The following TCF4 variants were observed in gnomAD, a reference collection of about 807,000 sequenced individuals.
TCF4 encodes transcription factor 4, also known as SL3-3 enhancer factor 2.
A neutral mutation model predicts 82.1 loss-of-function variants in TCF4; 3 were observed. That is an observed-to-expected ratio of 0.04 (90% confidence interval 0.02 to 0.09). The LOEUF is 0.09. Ranked by LOEUF, TCF4 falls within the 10% of genes least tolerant of loss-of-function variation. The probability of loss-of-function intolerance (pLI) is 1.00; values close to 1 mark genes in which losing one functional copy is unlikely to be tolerated. For missense variants in TCF4, 518 were observed against 852.7 expected, an observed-to-expected ratio of 0.61 and a Z score of 4.89; for synonymous variants, 276 against 309.6, an observed-to-expected ratio of 0.89 and a Z score of 1.14.
At chr18:55,335,489 C>T (rs1182548840) in intron 8 of TCF4, among the ~76,000 whole-genome samples, 6 of 152,116 alleles carry the variant, frequency 3.9e-5, no homozygotes, top group Non-Finnish European at 8.8e-5. Context: ...TCATTTTAAC[C>T]TTTGCCTTTT....
At chr18:55,425,429 A>G (rs943404387) in intron 5 of TCF4, among the ~76,000 whole-genome samples, 7 of 151,030 alleles carry the variant, frequency 4.6e-5, no homozygotes, top group Non-Finnish European at 8.9e-5. Flanking sequence ...ACTTTTAAGT[A>G]TTGAATGAAT....
chr18:55,514,874 T>C (rs1449220610), intron 3 of TCF4, among the ~76,000 whole-genome samples: 3 of 152,184 alleles, frequency 2.0e-5, no homozygotes, highest in Admixed American at 6.5e-5. Flanking sequence ...CATCATCTGA[T>C]TATGAATAAT....
At chr18:55,380,079 T>C (rs1310174775) in intron 6 of TCF4, among the ~76,000 whole-genome samples, 2 of 152,012 alleles carry the variant, frequency 1.3e-5, no homozygotes, top group East Asian at 3.9e-4. Context: ...CAGGGTTTCA[T>C]CGTGTTGCTC....
chr18:55,504,308 C>T (rs567269665), intron 3 of TCF4, among the ~76,000 whole-genome samples: 1 of 152,178 alleles, frequency 6.6e-6, no homozygotes, highest in African/African-American at 2.4e-5. Context: ...AACCATTTCC[C>T]AGCTCCTTCC....
chr18:55,398,070 G>C (rs941092157), intron 6 of TCF4, among the ~76,000 whole-genome samples: 1 of 152,174 alleles, frequency 6.6e-6, no homozygotes, highest in Non-Finnish European at 1.5e-5. Context: ...GGGGATAGAA[G>C]GGAAGGTATA....
chr18:55,516,548 C>A (rs1271121388), intron 3 of TCF4, among the ~76,000 whole-genome samples: 1 of 151,770 alleles, frequency 6.6e-6, no homozygotes, highest in Non-Finnish European at 1.5e-5. Context: ...GATCCGGAGG[C>A]CTGGATGGAG....
At chr18:55,483,524 G>C (rs886465294) in intron 3 of TCF4, among the ~76,000 whole-genome samples, 2 of 152,222 alleles carry the variant, frequency 1.3e-5, no homozygotes, top group African/African-American at 4.8e-5. Context: ...GATTTCTATA[G>C]TAAAAATGCA....
chr18:55,484,783 A>G (rs2096491831), intron 3 of TCF4, among the ~76,000 whole-genome samples: 1 of 152,248 alleles, frequency 6.6e-6, no homozygotes, highest in Non-Finnish European at 1.5e-5. Flanking sequence ...ATGTGAGTTT[A>G]TCAGAAGATA....
chr18:55,257,442 G>A (rs369777186), intron 13 of TCF4, 51 bp from the exon 14 acceptor site: 286 of 1,569,274 alleles, frequency 1.8e-4, no homozygotes, highest in Non-Finnish European at 2.4e-4. Context: ...GTAAAAAGAC[G>A]CTTGCCAATA....
chr18:55,286,868 C>A (rs866393097), intron 8 of TCF4, among the ~76,000 whole-genome samples: 1 of 152,174 alleles, frequency 6.6e-6, no homozygotes, highest in African/African-American at 2.4e-5. Flanking sequence ...AGAAATAACA[C>A]ATATATGTCT....
At chr18:55,423,093 G>C (rs918764404) in intron 5 of TCF4, among the ~76,000 whole-genome samples, 15 of 151,572 alleles carry the variant, frequency 9.9e-5, no homozygotes, top group Non-Finnish European at 1.9e-4. Flanking sequence ...AAAGGGCTAG[G>C]TTAAAGCAAA....
At chr18:55,468,647 A>G (rs2096086325) in intron 3 of TCF4, among the ~76,000 whole-genome samples, 1 of 152,238 alleles carries the variant, frequency 6.6e-6, no homozygotes, top group East Asian at 1.9e-4. Context: ...AACATACTTG[A>G]CACAAATAAC....
At chr18:55,306,955 A>G (rs1342115260) in intron 8 of TCF4, among the ~76,000 whole-genome samples, 1 of 152,218 alleles carries the variant, frequency 6.6e-6, no homozygotes. Flanking sequence ...AACAACTGCA[A>G]TAACACCACC....
intron 8 of TCF4, among the ~76,000 whole-genome samples, chr18:55,328,183 A>T (rs2076903223): frequency 2.0e-5 from 3 of 152,112 alleles, no homozygotes; most frequent in Admixed American, 2.0e-4. Context: ...TCCTTCCTCA[A>T]TTTTTTGCAA....
chr18:55,590,330 G>C (rs1172333756), upstream of TCF4, among the ~76,000 whole-genome samples: 1 of 152,186 alleles, frequency 6.6e-6, no homozygotes, highest in Non-Finnish European at 1.5e-5. Flanking sequence ...AGGGATGTGG[G>C]TCCTCTCCTC....
chr18:55,266,840 C>T (rs1336207480), intron 11 of TCF4: 2 of 152,160 alleles, frequency 1.3e-5, no homozygotes, highest in Non-Finnish European at 2.9e-5. Context: ...ATGCAGAGAA[C>T]AGAAGAAGAA....
chr18:55,255,683 A>G (rs1348865716), intron 14 of TCF4, among the ~76,000 whole-genome samples: 2 of 152,194 alleles, frequency 1.3e-5, no homozygotes, highest in Non-Finnish European at 2.9e-5. Context: ...CAGGGAAGAC[A>G]TTATGATTCC....
At chr18:55,459,635 GA>G (rs2144732417) in intron 5 of TCF4, among the ~76,000 whole-genome samples, 2 of 152,258 alleles carry the variant, frequency 1.3e-5, no homozygotes, top group East Asian at 3.9e-4. Context: ...TATTGACACT[GA>G]AGAGTCAAAA....
chr18:55,246,260 T>G (rs956293783), intron 15 of TCF4, among the ~76,000 whole-genome samples: 7 of 151,704 alleles, frequency 4.6e-5, no homozygotes, highest in African/African-American at 1.7e-4. Context: ...TGTGTGTGTG[T>G]GTATCTTTTA....
Sources: allele counts gnomAD v4.1 joint callset (sites outside exome capture counted in the v4.1 genomes callset), GRCh38; gene constraint gnomAD v4.1.1; transcripts MANE v1.5; gene names NCBI Gene and HGNC (gene_info 2026-07-23, HGNC 2026-07-21).